Variants in CELSR1 observed in about 807,000 individuals in gnomAD.
CELSR1 encodes the protein adhesion G protein-coupled receptor C1.
CELSR1 carries 110 observed loss-of-function variants against 249.1 expected under a neutral mutation model. That is an observed-to-expected ratio of 0.44 (90% CI 0.38 to 0.52). The LOEUF is 0.52. Among genes scored for constraint, CELSR1 ranks in the 20% least tolerant of loss-of-function variants. The pLI, the probability that CELSR1 is intolerant of heterozygous loss-of-function variation, is 0.00. For synonymous variants in CELSR1, 2,113 were observed against 1,900.0 expected (o/e 1.11, Z -2.92); for missense variants, 4,109 against 4,296.4 (o/e 0.96, Z 1.22).
chr22:46,455,759 G>A (rs567911830), intron 2 of CELSR1, among the ~76,000 whole-genome samples: 6 of 152,352 alleles, frequency 3.9e-5, no homozygotes, highest in African/African-American at 9.6e-5. Context: ...CGCACAGGAC[G>A]CTAATTCTGT....
In CELSR1 at chr22:46,471,980, T is replaced by C. The variant is rs2080160155; in HGVS notation, c.3545-7635A>G. 1.3e-5 allele frequency among the ~76,000 whole-genome samples: 2 copies of C among 152,114 alleles called. No homozygotes were observed. Among genetic ancestry groups the C allele is most frequent in the South Asian group, 4.1e-4 (2 of 4,832 alleles). On this transcript the variant is annotated intron_variant, in intron 1 of 34. Coordinates refer to ENST00000674500, the MANE Select transcript of CELSR1 (RefSeq NM_001378328.1). This position sits in a 1 kb window ranked among gnomAD's most constrained non-coding sequence, Gnocchi z 4.9. Reference sequence around the variant, plus strand: ...TGTGAGTACAGGTCAGTTCACAGTTTGGGGTCTGCTTGATTCCGGGAGGCA... The same window carrying C: ...TGTGAGTACAGGTCAGTTCACAGTTCGGGGTCTGCTTGATTCCGGGAGGCA...
intron 5 of CELSR1, among the ~76,000 whole-genome samples, chr22:46,416,103 A>G (rs59487178): frequency 0.13 from 14,686 of 110,202 alleles, 3,378 homozygotes; most frequent in African/African-American, 0.41. Flanking sequence ...TACAGGTTGC[A>G]GAGGGGGGCG....
At position 46,473,360 on chromosome 22, in the gene CELSR1, A is replaced by G. The variant is rs930383621; in HGVS notation, c.3545-9015T>C. On this transcript the variant is annotated intron_variant, in intron 1 of 34. Transcript: ENST00000674500. This position sits in a 1 kb window ranked among gnomAD's most constrained non-coding sequence, Gnocchi z 6.6. ...GGTCCAAGAGGACCCTAGTCCTGGC[A>G]TGGGAGGGTCTGCTGAGGACATGGA... Among the ~76,000 whole-genome samples, 3 of 152,116 alleles carry G rather than the reference A, an allele frequency of 2.0e-5. No individual in the cohort carries two copies. The highest frequency in any genetic ancestry group is 2.0e-4 in the Admixed American group (3 of 15,270).
Position 46,439,803 on chromosome 22 carries a change from CCCCACA to C in CELSR1, c.4184-398_4184-393del, listed in dbSNP as rs767930532. Reference sequence around the variant, plus strand: ...ACAGACCAGAGCACCTCAGGCCCCTCCCCACACCTATGCCCGTGCCACAGCAGAACA... The same window carrying C: ...ACAGACCAGAGCACCTCAGGCCCCTCCCTATGCCCGTGCCACAGCAGAACA... On this transcript the variant is annotated intron_variant, in intron 2 of 34. Coordinates refer to ENST00000674500, the MANE Select transcript of CELSR1 (RefSeq NM_001378328.1). Among the ~76,000 whole-genome samples the C allele has an allele frequency of 7.2e-5, 11 of 152,318 alleles. No individual in the cohort carries two copies. The South Asian group carries it at 2.1e-3, about 29-fold the overall frequency.
At chr22:46,372,152 A>C in intron 25 of CELSR1, among the ~76,000 whole-genome samples, 1 of 141,644 alleles carries the variant, frequency 7.1e-6, no homozygotes, top group African/African-American at 2.7e-5. Context: ...CCATCCATCC[A>C]TCATCTACCC....
Position 46,484,701 on chromosome 22 carries a change from G to C in CELSR1, c.3545-20356C>G, listed in dbSNP as rs148335660. 7.2e-6 allele frequency among the ~76,000 whole-genome samples: 1 copy of C among 138,380 alleles called. No individual in the cohort carries two copies. Among genetic ancestry groups the C allele is most frequent in the African/African-American group, 2.6e-5 (1 of 37,906 alleles). The allele number at this position is 138,380 out of a possible 152,430, so 90.8% of individuals were successfully genotyped here. On this transcript the variant is annotated intron_variant, in intron 1 of 34. Transcript: ENST00000674500. The surrounding 1 kb of genome is among the most constrained non-coding windows in gnomAD (Gnocchi z 4.5). ...GACCCTGTGGCCATCAGAGATGCTG[G>C]AGTGAGCGCTCACAGGGACCCCGCC...
At chr22:46,499,946 C>A (rs2080450369) in intron 1 of CELSR1, among the ~76,000 whole-genome samples, 1 of 152,152 alleles carries the variant, frequency 6.6e-6, no homozygotes, top group Non-Finnish European at 1.5e-5. Flanking sequence ...CCAGGAGTGA[C>A]CATCACCACC....
Position 46,536,181 on chromosome 22 carries a change from C to T in CELSR1, c.990G>A (p.Thr330=). The T allele has an allele frequency of 1.2e-6, 2 of 1,612,540 alleles. No homozygotes were observed. Among genetic ancestry groups the T allele is most frequent in the Non-Finnish European group, 1.7e-6 (2 of 1,179,916 alleles). The change falls in exon 1 of 35, where the codon ACG becomes ACA. Residue 330 remains threonine (T), a synonymous_variant. Transcript: ENST00000674500. The part of the protein sequence containing the change: ...VLRVKAVDYS[T]PPRSATTYIT... ...TGTAGGTGGTGGCCGAGCGCGGCGG[C>T]GTACTGTAGTCCACGGCTTTCACCC...
rs559866943 is a variant in CELSR1, at chr22:46,533,142, C to T, written c.3544+485G>A. Among the ~76,000 whole-genome samples, 4 of 152,304 alleles carry T rather than the reference C, an allele frequency of 2.6e-5. No homozygotes were observed. The South Asian group carries it at 8.3e-4, about 32-fold the overall frequency. ...ACAGAAAAGCCAGACCAAGGGAACA[C>T]CGGCTGCATTATAGGGTGACTCAGG... On this transcript the variant is annotated intron_variant, in intron 1 of 34. Transcript: ENST00000674500.
At chr22:46,515,336 G>T (rs937077168) in intron 1 of CELSR1, among the ~76,000 whole-genome samples, 1 of 152,234 alleles carries the variant, frequency 6.6e-6, no homozygotes, top group East Asian at 1.9e-4. Flanking sequence ...GTCTCAGTGC[G>T]TATCACAAAG....
In CELSR1 at chr22:46,535,210, C is replaced by G; in HGVS notation, c.1961G>C (p.Ser654Thr). Residue 654 changes from serine (S) to threonine (T), a missense_variant, in exon 1 of 35, where the codon AGC becomes ACC. Coordinates refer to ENST00000674500, the MANE Select transcript of CELSR1 (RefSeq NM_001378328.1). ...ELDREEVEHY[S>T]FGVEAVDHGS... is the part of the protein sequence containing the mutation. ...GTGGTCCACCGCCTCCACCCCGAAGCTGTAGTGCTCCACCTCCTCGCGGTC... is the reference window on the plus strand; with the variant it reads ...GTGGTCCACCGCCTCCACCCCGAAGGTGTAGTGCTCCACCTCCTCGCGGTC... 6.2e-7 allele frequency: 1 copy of G among 1,609,632 alleles called. No homozygotes were observed. The highest frequency in any genetic ancestry group is 8.5e-7 in the Non-Finnish European group (1 of 1,179,906).
At position 46,388,242 on chromosome 22, in the gene CELSR1, G is replaced by C. The variant is rs549770935; in HGVS notation, c.6555+1048C>G. Among the ~76,000 whole-genome samples, 110 of 152,170 alleles carry C rather than the reference G, an allele frequency of 7.2e-4. 1 individual carries two copies. The highest frequency in any genetic ancestry group is 2.6e-3 in the African/African-American group (106 of 41,532). On this transcript the variant is annotated intron_variant, in intron 18 of 34. Coordinates refer to ENST00000674500, the MANE Select transcript of CELSR1 (RefSeq NM_001378328.1). ...CGGGCGCCTGTAATCCCAGCTACTT[G>C]GGAGGCTGAGGCAGGAGAATTGCTT... is the stretch of plus-strand genomic sequence containing the variant.
At position 46,380,832 on chromosome 22, in the gene CELSR1, C is replaced by T. The variant is rs1022102612; in HGVS notation, c.7212G>A (p.Glu2404=). The T allele has an allele frequency of 1.9e-6, 3 of 1,611,934 alleles. No individual in the cohort carries two copies. The highest frequency in any genetic ancestry group is 2.2e-5 in the East Asian group (1 of 44,864). Residue 2404 remains glutamate, a synonymous_variant, in exon 22 of 35, where the codon GAG becomes GAA. Coordinates refer to ENST00000674500, the MANE Select transcript of CELSR1 (RefSeq NM_001378328.1). The surrounding 1 kb of genome is among the most constrained non-coding windows in gnomAD (Gnocchi z 5.1). ...ACACGCAGACAGGCTTGGTTCGCTC[C>T]TCCACCTCCAGCAGGGCGAACTCCA... The part of the protein sequence containing the change: ...VLVEFALLEV[E]ERTKPVCVFW...
At chr22:46,508,439 A>AC (rs140136138) in intron 1 of CELSR1, among the ~76,000 whole-genome samples, 35 of 36,388 alleles carry the variant, frequency 9.6e-4, no homozygotes, top group African/African-American at 2.5e-3. Context: ...TGGCCCCCCC[A>AC]CCCCCGCCCC....
chr22:46,394,019 G>A (rs2079122209), intron 14 of CELSR1, 123 bp downstream of exon 14: 2 of 1,237,658 alleles, frequency 1.6e-6, no homozygotes, highest in Non-Finnish European at 2.3e-6. Context: ...GTGGGCACAG[G>A]TGTGTGTGCA....
At position 46,536,292 on chromosome 22, in the gene CELSR1, C is replaced by T; in HGVS notation, c.879G>A (p.Arg293=). ...TGGCAGAGTCGATTCGGAAGTAGCC[C>T]CGGGAGCGCTCGTCGAACAGCCCCT... ...YMEGLFDERS[R]GYFRIDSATG... Residue 293 remains arginine, a synonymous_variant, in exon 1 of 35, where the codon CGG becomes CGA. Coordinates refer to ENST00000674500, the MANE Select transcript of CELSR1 (RefSeq NM_001378328.1). The T allele has an allele frequency of 1.2e-6, 2 of 1,612,640 alleles. No homozygotes were observed.
chr22:46,386,611 C>A lies in CELSR1; in HGVS notation c.6556-26G>T, dbSNP rs771454790. 25 of 1,541,914 alleles carry A rather than the reference C, an allele frequency of 1.6e-5. No homozygotes were observed. The East Asian group carries it at 5.7e-4, about 35-fold the overall frequency. ...CTGGTCAGACAGACAGCACTCAGTA[C>A]TCAGCCTGCGGAGGCCTGGCTCGTG... On this transcript the variant is annotated intron_variant, in intron 18 of 34. Transcript: ENST00000674500.
chr22:46,533,912 C>G lies in CELSR1; in HGVS notation c.3259G>C (p.Val1087Leu). 6.2e-7 allele frequency: 1 copy of G among 1,613,236 alleles called. No homozygotes were observed. Among genetic ancestry groups the G allele is most frequent in the Non-Finnish European group, 8.5e-7 (1 of 1,180,010 alleles). ...TSAPLVSRAT[V>L]HILLVDQNDN... ...TTCTGGTCCACGAGAAGGATGTGCA[C>G]CGTGGCTCGGCTCACCAGCGGAGCC... The change falls in exon 1 of 35, where the codon GTG becomes CTG. Residue 1087 changes from valine to leucine, a missense_variant. Coordinates refer to ENST00000674500, the MANE Select transcript of CELSR1 (RefSeq NM_001378328.1).
chr22:46,394,367 C>T, intron 13 of CELSR1, 105 bp from the exon 14 acceptor site: 2 of 1,365,596 alleles, frequency 1.5e-6, no homozygotes, highest in Non-Finnish European at 2.0e-6. Flanking sequence ...GGAGGCCTGG[C>T]TGGGTCCAGC....
Sources: allele counts gnomAD v4.1 joint callset (sites outside exome capture counted in the v4.1 genomes callset), GRCh38; gene constraint gnomAD v4.1.1; non-coding constraint Gnocchi (gnomAD v3.1); transcripts MANE v1.5; gene names NCBI Gene and HGNC (gene_info 2026-07-23, HGNC 2026-07-21).